Variants in GRIK3 observed in about 807,000 individuals in gnomAD.
The protein encoded by GRIK3 is glutamate ionotropic receptor kainate type subunit 3, also known as glutamate receptor ionotropic, kainate 3.
A neutral mutation model predicts 102.5 loss-of-function variants in GRIK3; 29 were observed. That is an observed-to-expected ratio of 0.28 (90% CI 0.21 to 0.39). The LOEUF (loss-of-function observed/expected upper bound fraction) is 0.39, where lower values mean the gene tolerates loss of function less well. Among genes scored for constraint, GRIK3 ranks in the 10% least tolerant of loss-of-function variants. The pLI is 1.00. For missense variants in GRIK3, 908 were observed against 1,252.4 expected, an observed-to-expected ratio of 0.73 and a Z score of 4.15; for synonymous variants, 511 against 504.9, an observed-to-expected ratio of 1.01 and a Z score of -0.16.
intron 11 of GRIK3, among the ~76,000 whole-genome samples, chr1:36,824,265 G>T (rs527911014): frequency 4.9e-4 from 74 of 152,324 alleles, no homozygotes; most frequent in African/African-American, 1.7e-3. Flanking sequence ...AGCCCGAGAA[G>T]GTGGGAGCTG....
At chr1:36,871,861 G>C (rs1460696095) in intron 4 of GRIK3, among the ~76,000 whole-genome samples, 4 of 152,174 alleles carry the variant, frequency 2.6e-5, no homozygotes. Flanking sequence ...GTGTGGCTGT[G>C]GGTACCTCCC....
At chr1:36,826,565 G>T (rs1642757015) in intron 10 of GRIK3, among the ~76,000 whole-genome samples, 1 of 152,074 alleles carries the variant, frequency 6.6e-6, no homozygotes, top group African/African-American at 2.4e-5. Context: ...CTACTTGGGA[G>T]GCTGAGGTGG....
At chr1:36,870,679 C>T (rs942509015) in intron 4 of GRIK3, among the ~76,000 whole-genome samples, 2 of 152,188 alleles carry the variant, frequency 1.3e-5, no homozygotes, top group African/African-American at 4.8e-5. Flanking sequence ...ATTTCTAATT[C>T]CAGAAGTTTT....
chr1:37,008,330 C>G (rs1311831814), intron 1 of GRIK3, among the ~76,000 whole-genome samples: 1 of 152,190 alleles, frequency 6.6e-6, no homozygotes, highest in Non-Finnish European at 1.5e-5. Flanking sequence ...GAGCAAGAAG[C>G]CTCCTTCCAT....
intron 13 of GRIK3, among the ~76,000 whole-genome samples, chr1:36,815,820 C>G (rs1320495889): frequency 6.6e-6 from 1 of 151,952 alleles, no homozygotes; most frequent in Non-Finnish European, 1.5e-5. Flanking sequence ...AGTTCAGTGG[C>G]ACGATCTTGG....
intron 1 of GRIK3, among the ~76,000 whole-genome samples, chr1:36,977,894 G>A (rs1642211290): frequency 6.6e-6 from 1 of 152,252 alleles, no homozygotes; most frequent in Non-Finnish European, 1.5e-5. Context: ...TCCATGTGGA[G>A]CCAACTCTGG....
chr1:37,012,515 T>C (rs1444457396), intron 1 of GRIK3, among the ~76,000 whole-genome samples: 1 of 152,236 alleles, frequency 6.6e-6, no homozygotes, highest in Non-Finnish European at 1.5e-5. Context: ...GAGGGTTACA[T>C]GTTAAGAAAC....
rs533813026 is a variant in GRIK3, at chr1:36,799,458, C to T, written c.*2393G>A. On this transcript the variant is annotated 3_prime_UTR_variant, in exon 16 of 16. Transcript: ENST00000373091. ...ACGACTCTCTGGTCCTGGCCTTCCC[C>T]CCGCTCCCCACTGTGCACACATGCC... The T allele has an allele frequency of 6.6e-6, 1 of 152,560 alleles. No homozygotes were observed. Among genetic ancestry groups the T allele is most frequent in the East Asian group, 1.9e-4 (1 of 5,194 alleles). The allele number at this position is 152,560 out of a possible 1,614,324, so 9.5% of individuals were successfully genotyped here. A position where few individuals can be genotyped will look rare whatever the true frequency, so the allele number is the denominator to read the frequency against.
At chr1:36,979,503 G>A (rs1345428728) in intron 1 of GRIK3, among the ~76,000 whole-genome samples, 2 of 152,224 alleles carry the variant, frequency 1.3e-5, no homozygotes, top group Admixed American at 1.3e-4. Flanking sequence ...CCTTTCCAAG[G>A]GAACTGCCCT....
At chr1:36,976,512 G>A (rs764142707) in intron 1 of GRIK3, among the ~76,000 whole-genome samples, 40 of 152,082 alleles carry the variant, frequency 2.6e-4, no homozygotes, top group Non-Finnish European at 2.9e-4. Flanking sequence ...CATGGGCCAT[G>A]GACCTTGGCA....
At chr1:36,832,214 G>C (rs1232969368) in intron 10 of GRIK3, among the ~76,000 whole-genome samples, 1 of 152,234 alleles carries the variant, frequency 6.6e-6, no homozygotes, top group African/African-American at 2.4e-5. Flanking sequence ...TGAGGCCGGA[G>C]CCTGTCACCT....
chr1:36,872,317 G>T lies in GRIK3; in HGVS notation c.603C>A (p.Arg201=). Residue 201 remains arginine (R), a synonymous_variant, in exon 4 of 16, where the codon CGC becomes CGA. Coordinates refer to ENST00000373091, the MANE Select transcript of GRIK3 (RefSeq NM_000831.4). This position sits in a 1 kb window ranked among gnomAD's most constrained non-coding sequence, Gnocchi z 5.9. Reference sequence around the variant, plus strand: ...CGATGGGGAGCTGACGGATCTTCAGGCGGATGTTGTATCTTGATGGGGCCA... The same window carrying T: ...CGATGGGGAGCTGACGGATCTTCAGTCGGATGTTGTATCTTGATGGGGCCA... ...LIMAPSRYNI[R]LKIRQLPIDS... 6.2e-7 allele frequency: 1 copy of T among 1,612,600 alleles called. No homozygotes were observed. The highest frequency in any genetic ancestry group is 8.5e-7 in the Non-Finnish European group (1 of 1,179,210).
intron 1 of GRIK3, among the ~76,000 whole-genome samples, chr1:36,929,643 G>A (rs1334804): frequency 0.82 from 125,160 of 152,118 alleles, 52,203 homozygotes; most frequent in Admixed American, 0.89. Flanking sequence ...CCTGGGGCCA[G>A]AGACCCAGCA....
At chr1:36,952,488 T>C (rs1641856996) in intron 1 of GRIK3, among the ~76,000 whole-genome samples, 1 of 152,244 alleles carries the variant, frequency 6.6e-6, no homozygotes, top group Admixed American at 6.5e-5. Flanking sequence ...TGACCACTAG[T>C]GAGTTTCTTC....
intron 13 of GRIK3, among the ~76,000 whole-genome samples, chr1:36,815,935 G>C (rs1642621408): frequency 6.6e-6 from 1 of 151,936 alleles, no homozygotes; most frequent in South Asian, 2.1e-4. Context: ...ATTTTTAGTA[G>C]AGATGGGGTG....
At chr1:37,027,364 C>T (rs139853050) in intron 1 of GRIK3, among the ~76,000 whole-genome samples, 1 of 151,898 alleles carries the variant, frequency 6.6e-6, no homozygotes, top group Non-Finnish European at 1.5e-5. Context: ...AAATCATGCT[C>T]AATTAGGATT....
In GRIK3 at chr1:37,022,120, G is replaced by T. The variant is rs1178641567; in HGVS notation, c.115+11874C>A. On this transcript the variant is annotated intron_variant, in intron 1 of 15. Transcript: ENST00000373091. ...CTGTCTATACAGCCTGAATCTCCAGGTTAACTGTCAACACCTCTGCTTTAC... is the reference window on the plus strand; with the variant it reads ...CTGTCTATACAGCCTGAATCTCCAGTTTAACTGTCAACACCTCTGCTTTAC... 2.0e-5 allele frequency among the ~76,000 whole-genome samples: 3 copies of T among 152,226 alleles called. No homozygotes were observed. In the East Asian group the frequency reaches 5.8e-4, roughly 29 times the overall value.
At chr1:36,964,351 G>A (rs781302544) in intron 1 of GRIK3, among the ~76,000 whole-genome samples, 3 of 152,206 alleles carry the variant, frequency 2.0e-5, no homozygotes, top group Non-Finnish European at 4.4e-5. Flanking sequence ...TACTGCAGCT[G>A]GCAAACTCCC....
chr1:37,024,445 C>CTATTATTAT (rs10630686), intron 1 of GRIK3, among the ~76,000 whole-genome samples: 12,243 of 145,544 alleles, frequency 0.084, 668 homozygotes, highest in African/African-American at 0.15. Flanking sequence ...GCAGGTACAA[C>CTATTATTAT]TATTATTATT....
Sources: gnomAD v4.1 joint callset for allele counts (sites outside exome capture counted in the v4.1 genomes callset) on GRCh38, gnomAD v4.1.1 for gene constraint, Gnocchi (gnomAD v3.1) non-coding constraint, MANE v1.5 for transcripts, NCBI Gene and HGNC (gene_info 2026-07-23, HGNC 2026-07-21) for gene names.